Variants in TMEM91 observed in about 807,000 individuals in gnomAD.
TMEM91 encodes the protein dispanin subfamily C member 3.
A neutral mutation model predicts 13.3 loss-of-function variants in TMEM91; 6 were observed. The observed-to-expected ratio is 0.45, with a 90% CI of 0.25 to 0.89. The LOEUF (loss-of-function observed/expected upper bound fraction) is 0.89. Among genes scored for constraint, TMEM91 ranks in the 40% least tolerant of loss-of-function variants. The probability of loss-of-function intolerance (pLI) is 0.19; values close to 1 mark genes in which losing one functional copy is unlikely to be tolerated. For synonymous variants in TMEM91, 87 were observed against 101.7 expected (o/e 0.86, Z 0.87); for missense variants, 193 against 228.7 (o/e 0.84, Z 1.01).
At chr19:41,383,110 G>C (rs771528256) in intron 3 of TMEM91, 189 bp downstream of exon 3, 14 of 759,818 alleles carry the variant, frequency 1.8e-5, no homozygotes, top group Non-Finnish European at 2.5e-5. Context: ...CTGGAGTGCA[G>C]TGGTACAATC....
At chr19:41,366,693 A>G (rs954410214) in intron 1 of TMEM91, among the ~76,000 whole-genome samples, 13 of 151,986 alleles carry the variant, frequency 8.6e-5, no homozygotes, top group Non-Finnish European at 1.6e-4. Flanking sequence ...TCCTGACCTC[A>G]GGTGATCTGC....
In TMEM91 at chr19:41,381,683, A is replaced by AT. The variant is rs928085347; in HGVS notation, c.211-1080dup. Among the ~76,000 whole-genome samples the AT allele has an allele frequency of 1.5e-4, 22 of 150,626 alleles. 1 individual carries two copies. The highest frequency in any genetic ancestry group is 7.3e-4 in the Admixed American group (11 of 15,100). ...CTGGCCCATGCCTAGCTAATTTTAA[A>AT]TTTTTTTTTGTAGAGATGGGGTCTT... On this transcript the variant is annotated intron_variant, in intron 2 of 3. Coordinates refer to ENST00000392002, the MANE Select transcript of TMEM91 (RefSeq NM_001098821.2).
intron 1 of TMEM91, among the ~76,000 whole-genome samples, chr19:41,371,181 T>C (rs1353341838): frequency 6.6e-6 from 1 of 150,972 alleles, no homozygotes. Flanking sequence ...TTTGTATTTT[T>C]AGTAGAGACG....
chr19:41,366,912 T>TCA (rs1421863103), intron 1 of TMEM91, among the ~76,000 whole-genome samples: 2 of 148,418 alleles, frequency 1.3e-5, no homozygotes, highest in African/African-American at 5.0e-5. Context: ...CCAAGGAGAG[T>TCA]GGATACCCTG....
Position 41,376,578 on chromosome 19 carries a change from G to A in TMEM91, c.-306G>A, listed in dbSNP as rs1017169128. ...CGAGGAAGGGGCTGCAGTTCTCCAA[G>A]GATTCCCGCCTGCTCCCAGACCCCC... On this transcript the variant is annotated 5_prime_UTR_variant, in exon 1 of 4. Coordinates refer to ENST00000392002, the MANE Select transcript of TMEM91 (RefSeq NM_001098821.2). 9.2e-5 allele frequency: 14 copies of A among 152,234 alleles called. No individual in the cohort carries two copies. Among genetic ancestry groups the A allele is most frequent in the Non-Finnish European group, 1.9e-4 (13 of 68,038 alleles). 9.4% of individuals were successfully genotyped at this position (152,234 alleles called of 1,614,324 possible). A position where few individuals can be genotyped will look rare whatever the true frequency, so the allele number is the denominator to read the frequency against.
At chr19:41,374,295 C>T (rs1018781260), upstream of TMEM91, 98 of 152,162 alleles carry the variant, frequency 6.4e-4, no homozygotes, top group African/African-American at 2.0e-3. Context: ...CGGAGGGCTT[C>T]TGGGAAGGGA....
intron 2 of TMEM91, 24 bp downstream of exon 2, chr19:41,378,543 G>A (rs1302051743): frequency 6.8e-6 from 11 of 1,613,002 alleles, no homozygotes. Flanking sequence ...GGCCTTAGTG[G>A]AAGGCACGGG....
chr19:41,372,679 C>T (rs1281490906), upstream of TMEM91, among the ~76,000 whole-genome samples: 1 of 152,124 alleles, frequency 6.6e-6, no homozygotes, highest in Non-Finnish European at 1.5e-5. Flanking sequence ...TGGTATGTGT[C>T]TCCCTCTTTG....
chr19:41,372,890 T>G (rs1216958800), upstream of TMEM91, among the ~76,000 whole-genome samples: 1 of 152,156 alleles, frequency 6.6e-6, no homozygotes, highest in Non-Finnish European at 1.5e-5. Flanking sequence ...CTTAATAGTT[T>G]CAGTCTCTGT....
chr19:41,374,213 A>AGGAGCCCT (rs954572650), upstream of TMEM91: 2 of 152,184 alleles, frequency 1.3e-5, no homozygotes, highest in Non-Finnish European at 2.9e-5. Flanking sequence ...ACTCTTGGCA[A>AGGAGCCCT]GGAGCCCTGG....
intron 2 of TMEM91, among the ~76,000 whole-genome samples, chr19:41,382,262 G>A (rs1027749838): frequency 6.6e-6 from 1 of 152,174 alleles, no homozygotes; most frequent in African/African-American, 2.4e-5. Flanking sequence ...TCTGGGTGTG[G>A]GTGGGGCTCT....
upstream of TMEM91, among the ~76,000 whole-genome samples, chr19:41,371,635 A>T (rs1173117373): frequency 1.3e-5 from 2 of 151,370 alleles, no homozygotes; most frequent in Middle Eastern, 3.2e-3. Flanking sequence ...GGCCAGGATG[A>T]TCTCGATCTC....
chr19:41,368,980 G>A (rs2038571570), intron 1 of TMEM91, among the ~76,000 whole-genome samples: 1 of 151,954 alleles, frequency 6.6e-6, no homozygotes, highest in Non-Finnish European at 1.5e-5. Context: ...GCTGGGTGTG[G>A]TGGCATGCCC....
upstream of TMEM91, chr19:41,374,423 A>T (rs1190557204): frequency 1.3e-5 from 2 of 152,262 alleles, no homozygotes; most frequent in Non-Finnish European, 2.9e-5. Context: ...AAATGTGTTC[A>T]GAGTGCTTTC....
At chr19:41,383,009 A>G (rs1358124214) in intron 3 of TMEM91, 88 bp downstream of exon 3, 1 of 1,526,758 alleles carries the variant, frequency 6.5e-7, no homozygotes, top group Admixed American at 2.1e-5. Flanking sequence ...CTGAGGCGGG[A>G]AGGTGGAAGG....
upstream of TMEM91, among the ~76,000 whole-genome samples, chr19:41,372,087 C>T (rs995291479): frequency 1.3e-5 from 2 of 148,616 alleles, no homozygotes; most frequent in Admixed American, 1.3e-4. Context: ...AATCACAGCA[C>T]TTTGGGAGGC....
chr19:41,372,957 G>GTTTTTC (rs55934691), upstream of TMEM91, among the ~76,000 whole-genome samples: 1 of 151,618 alleles, frequency 6.6e-6, no homozygotes, highest in African/African-American at 2.4e-5. Flanking sequence ...TTTTGTTTTT[G>GTTTTTC]AGACTGGGTT....
chr19:41,375,015 CCAGGTCTATGTGGGTCCAAA>C (rs1309092927), upstream of TMEM91, among the ~76,000 whole-genome samples: 1 of 152,040 alleles, frequency 6.6e-6, no homozygotes, highest in Non-Finnish European at 1.5e-5. Flanking sequence ...GGAAAGGAAA[CCAGGTCTATGTGGGTCCAAA>C]TGCTGACTCA....
chr19:41,375,190 C>T (rs2038688981), upstream of TMEM91, among the ~76,000 whole-genome samples: 1 of 151,902 alleles, frequency 6.6e-6, no homozygotes, highest in South Asian at 2.1e-4. Context: ...GGAACACAGC[C>T]CGGGGTTACA....
Sources: allele counts gnomAD v4.1 joint callset (sites outside exome capture counted in the v4.1 genomes callset), GRCh38; gene constraint gnomAD v4.1.1; transcripts MANE v1.5; gene names NCBI Gene and HGNC (gene_info 2026-07-23, HGNC 2026-07-21).